Variants in ATP8B4 observed in about 807,000 individuals in gnomAD.
The protein encoded by ATP8B4 is ATPase phospholipid transporting 8B4 (putative).
ATP8B4 carries 133 observed loss-of-function variants against 145.6 expected under a neutral mutation model. The observed-to-expected ratio is 0.91, with a 90% CI of 0.79 to 1.05. The LOEUF (loss-of-function observed/expected upper bound fraction) is 1.05, where lower values mean the gene tolerates loss of function less well. Among genes scored for constraint, ATP8B4 ranks in the 50% least tolerant of loss-of-function variants. The probability of loss-of-function intolerance (pLI) is 0.00; values close to 1 mark genes in which losing one functional copy is unlikely to be tolerated. For synonymous variants in ATP8B4, 507 were observed against 492.9 expected, an observed-to-expected ratio of 1.03 and a Z score of -0.38; for missense variants, 1,458 against 1,425.2, an observed-to-expected ratio of 1.02 and a Z score of -0.37.
intron 6 of ATP8B4, among the ~76,000 whole-genome samples, chr15:50,032,084 G>C (rs989378681): frequency 6.6e-6 from 1 of 151,988 alleles, no homozygotes; most frequent in African/African-American, 2.4e-5. Context: ...TGTTACATAG[G>C]TATACATGTG....
At chr15:50,002,571 T>C (rs564489227) in intron 7 of ATP8B4, among the ~76,000 whole-genome samples, 6 of 152,202 alleles carry the variant, frequency 3.9e-5, no homozygotes, top group East Asian at 1.9e-4. Context: ...ATTGGAAATA[T>C]ATGCACAAAC....
Position 50,107,014 on chromosome 15 carries a change from A to G in ATP8B4, c.-42-6T>C. 1 of 1,525,866 alleles carries G rather than the reference A, an allele frequency of 6.6e-7. No homozygotes were observed. The highest frequency in any genetic ancestry group is 8.8e-7 in the Non-Finnish European group (1 of 1,137,354). The allele number at this position is 1,525,866 out of a possible 1,614,324, so 94.5% of individuals were successfully genotyped here. ...GGTCTCAACAGGTGGCCTACCTAAG[A>G]AAAAGAAGTATGCATATTAGTATCT... is the stretch of plus-strand genomic sequence containing the variant. On this transcript the variant is annotated splice_region_variant and splice_polypyrimidine_tract_variant and intron_variant, in intron 1 of 27. Coordinates refer to ENST00000284509, the MANE Select transcript of ATP8B4 (RefSeq NM_024837.4).
intron 5 of ATP8B4, 125 bp from the exon 6 acceptor site, chr15:50,038,954 G>T: frequency 1.3e-6 from 1 of 770,988 alleles, no homozygotes; most frequent in Non-Finnish European, 2.2e-6. Context: ...AGATGACACT[G>T]TTTGAGCTTC....
intron 6 of ATP8B4, among the ~76,000 whole-genome samples, chr15:50,018,698 C>A (rs567182593): frequency 5.3e-5 from 8 of 152,248 alleles, no homozygotes; most frequent in Admixed American, 2.0e-4. Flanking sequence ...CAAGATATTC[C>A]AAGCTTTGTC....
intron 1 of ATP8B4, among the ~76,000 whole-genome samples, chr15:50,165,345 G>T (rs990230536): frequency 3.3e-5 from 5 of 152,142 alleles, no homozygotes; most frequent in African/African-American, 1.2e-4. Context: ...GAGCCACCAC[G>T]ACCAGCCCCT....
intron 3 of ATP8B4, among the ~76,000 whole-genome samples, chr15:50,072,523 T>C (rs1013641852): frequency 1.3e-5 from 2 of 152,136 alleles, no homozygotes; most frequent in Admixed American, 1.3e-4. Context: ...CTTACATCAA[T>C]GAAAAAAATC....
intron 1 of ATP8B4, among the ~76,000 whole-genome samples, chr15:50,152,172 T>C (rs1398868678): frequency 6.6e-6 from 1 of 152,162 alleles, no homozygotes; most frequent in African/African-American, 2.4e-5. Context: ...CTTTTTAGAC[T>C]CTTTTCCATA....
At position 49,916,975 on chromosome 15, in the gene ATP8B4, C is replaced by G. The variant is rs758551249; in HGVS notation, c.2100G>C (p.Val700=). 1.9e-6 allele frequency: 3 copies of G among 1,613,872 alleles called. No individual in the cohort carries two copies. In the African/African-American group the frequency reaches 4.0e-5, roughly 22 times the overall value. The change falls in exon 20 of 28, where the codon GTG becomes GTC. Residue 700 remains valine (V), a synonymous_variant. Transcript: ENST00000284509. The stretch of plus-strand genomic sequence containing the variant: ...CTTCCACAGCATTATTCCCTGCTAT[C>G]ACAAACACATCATTCATGTCGTCAG... ...MLTDDMNDVF[V]IAGNNAVEVR...
chr15:50,032,105 T>A (rs2153593409), intron 6 of ATP8B4, among the ~76,000 whole-genome samples: 1 of 152,256 alleles, frequency 6.6e-6, no homozygotes, highest in East Asian at 1.9e-4. Flanking sequence ...CCATTGTGGT[T>A]TGCTGCACCT....
rs749196285 is a variant in ATP8B4, at chr15:49,901,154, C to T, written c.2227G>A (p.Asp743Asn). Residue 743 changes from aspartate to asparagine, a missense_variant, in exon 21 of 28, where the codon GAT (aspartate) becomes AAT (asparagine). Transcript: ENST00000284509. ...GTTATGGTTTCTTCTACAATAGAAT[C>T]CAACTCCAGCTGCTGCTTTTTTTCA... The part of the protein sequence containing the change: ...VCEKKQQLEL[D>N]SIVEETITGD... The T allele has an allele frequency of 6.2e-6, 10 of 1,613,586 alleles. No individual in the cohort carries two copies. Among genetic ancestry groups the T allele is most frequent in the Middle Eastern group, 1.7e-4 (1 of 6,058 alleles).
chr15:49,876,925 G>A (rs2034533727), intron 24 of ATP8B4, among the ~76,000 whole-genome samples: 1 of 152,326 alleles, frequency 6.6e-6, no homozygotes, highest in East Asian at 1.9e-4. Flanking sequence ...TAATTGTCAA[G>A]GTAGTGAGTG....
intron 2 of ATP8B4, among the ~76,000 whole-genome samples, chr15:50,079,980 C>T (rs1024301868): frequency 1.3e-5 from 2 of 152,116 alleles, no homozygotes; most frequent in Non-Finnish European, 2.9e-5. Context: ...GAAACATGTG[C>T]CTGGATAGGA....
intron 6 of ATP8B4, among the ~76,000 whole-genome samples, chr15:50,022,801 C>G (rs545836627): frequency 6.6e-6 from 1 of 152,298 alleles, no homozygotes; most frequent in East Asian, 1.9e-4. Context: ...CAGGGGAAAG[C>G]CTTGGGCTCA....
At chr15:50,172,153 A>C (rs2555487) in intron 1 of ATP8B4, among the ~76,000 whole-genome samples, 120,706 of 152,170 alleles carry the variant, frequency 0.79, 48,279 homozygotes, top group East Asian at 0.95. Context: ...TCTCCCTCCC[A>C]CTCCCGCTCC....
chr15:49,866,590 C>G, intron 25 of ATP8B4, 106 bp from the exon 26 acceptor site: 1 of 1,414,140 alleles, frequency 7.1e-7, no homozygotes, highest in Non-Finnish European at 9.7e-7. Flanking sequence ...AAGTTTGCAC[C>G]TGCCTAGTTG....
chr15:49,887,106 G>A (rs1278482017), intron 23 of ATP8B4, among the ~76,000 whole-genome samples: 2 of 152,000 alleles, frequency 1.3e-5, no homozygotes, highest in African/African-American at 4.8e-5. Flanking sequence ...CACCGTTCCT[G>A]GCCAAGCAAT....
intron 12 of ATP8B4, 154 bp downstream of exon 12, chr15:49,979,463 A>T: frequency 1.9e-6 from 1 of 517,280 alleles, no homozygotes; most frequent in Non-Finnish European, 3.2e-6. Flanking sequence ...TTAACAGATT[A>T]AACAGCTAAG....
At chr15:50,016,226 C>A (rs2049078335) in intron 6 of ATP8B4, among the ~76,000 whole-genome samples, 1 of 152,128 alleles carries the variant, frequency 6.6e-6, no homozygotes. Context: ...GAAACCCTTG[C>A]CCAAATGAGC....
chr15:50,010,806 A>G, intron 7 of ATP8B4, 39 bp downstream of exon 7: 1 of 1,345,396 alleles, frequency 7.4e-7, no homozygotes, highest in Non-Finnish European at 1.0e-6. Context: ...ATGCTACTTT[A>G]ATCTGAGATA....
Sources: gnomAD v4.1 joint callset for allele counts (sites outside exome capture counted in the v4.1 genomes callset) on GRCh38, gnomAD v4.1.1 for gene constraint, MANE v1.5 for transcripts, NCBI Gene and HGNC (gene_info 2026-07-23, HGNC 2026-07-21) for gene names.